The following GGH variants were observed in gnomAD, a reference collection of about 807,000 sequenced individuals.
The protein encoded by GGH is gamma-glutamyl hydrolase, also known as gamma-Glu-X carboxypeptidase.
GGH carries 18 observed loss-of-function variants against 39.2 expected under a neutral mutation model. The observed-to-expected ratio is 0.46, with a 90% confidence interval of 0.32 to 0.68. The LOEUF (loss-of-function observed/expected upper bound fraction) is 0.68. Ranked by LOEUF, GGH falls within the 30% of genes least tolerant of loss-of-function variation. The probability of loss-of-function intolerance (pLI) is 0.04; values close to 1 mark genes in which losing one functional copy is unlikely to be tolerated. For synonymous variants in GGH, 147 were observed against 138.8 expected (o/e 1.06, Z -0.42); for missense variants, 367 against 384.1 (o/e 0.96, Z 0.37).
intron 3 of GGH, chr8:63,028,091 T>C (rs1435904156): frequency 6.6e-6 from 1 of 152,294 alleles, no homozygotes; most frequent in Admixed American, 6.5e-5. Flanking sequence ...CTTGTGTGAT[T>C]GTTGTTATTC....
intron 4 of GGH, among the ~76,000 whole-genome samples, chr8:63,026,596 T>C (rs1162346370): frequency 2.6e-4 from 40 of 152,196 alleles, no homozygotes; most frequent in Non-Finnish European, 5.4e-4. Context: ...AAAACAGTTA[T>C]TTAGGGAAAT....
At chr8:63,029,011 T>A (rs1563669522) in intron 3 of GGH, among the ~76,000 whole-genome samples, 1 of 152,258 alleles carries the variant, frequency 6.6e-6, no homozygotes, top group Non-Finnish European at 1.5e-5. Context: ...TAAATTGAAC[T>A]GATTTTATGG....
chr8:63,016,270 C>A (rs1179313454), intron 8 of GGH, among the ~76,000 whole-genome samples: 1 of 152,156 alleles, frequency 6.6e-6, no homozygotes, highest in Non-Finnish European at 1.5e-5. Context: ...CTCATTCACT[C>A]CACGCACTCA....
intron 1 of GGH, among the ~76,000 whole-genome samples, chr8:63,036,981 A>G (rs1374541904): frequency 6.6e-6 from 1 of 152,168 alleles, no homozygotes; most frequent in African/African-American, 2.4e-5. Flanking sequence ...CAGCCCCAGC[A>G]GAGTATAGCA....
intron 5 of GGH, 54 bp downstream of exon 5, chr8:63,026,100 CTACT>C: frequency 7.4e-7 from 1 of 1,356,282 alleles, no homozygotes; most frequent in Non-Finnish European, 1.0e-6. Flanking sequence ...TTCATATTTG[CTACT>C]TACTAATCCT....
intron 2 of GGH, 129 bp from the exon 3 acceptor site, chr8:63,030,346 T>C (rs991048519): frequency 9.1e-5 from 51 of 562,896 alleles, no homozygotes; most frequent in Non-Finnish European, 5.2e-5. Flanking sequence ...ATTACCTCTC[T>C]ACTTTTCTAG....
At chr8:63,019,966 G>A (rs2129642855) in intron 7 of GGH, among the ~76,000 whole-genome samples, 1 of 152,334 alleles carries the variant, frequency 6.6e-6, no homozygotes, top group Admixed American at 6.5e-5. Flanking sequence ...GTTCTTTAGG[G>A]ATGAACTAAA....
chr8:63,034,009 T>TTA (rs1001950691), intron 2 of GGH, among the ~76,000 whole-genome samples: 70 of 141,606 alleles, frequency 4.9e-4, no homozygotes, highest in South Asian at 1.5e-3. Context: ...ATGTCTCTCC[T>TTA]TATATATATA....
intron 2 of GGH, among the ~76,000 whole-genome samples, chr8:63,035,328 T>C (rs1804884991): frequency 6.6e-6 from 1 of 152,172 alleles, no homozygotes; most frequent in Non-Finnish European, 1.5e-5. Flanking sequence ...TATTTTGAGA[T>C]GGAGTCTCGA....
chr8:63,017,416 G>A (rs1303883798), intron 8 of GGH, 77 bp downstream of exon 8: 2 of 868,518 alleles, frequency 2.3e-6, no homozygotes, highest in Admixed American at 2.2e-5. Flanking sequence ...AGAGCAAAAG[G>A]GTAGGCAAAA....
Position 63,026,262 on chromosome 8 carries a change from C to T in GGH, c.395G>A (p.Gly132Asp), listed in dbSNP as rs752804112. 11 of 1,608,100 alleles carry T rather than the reference C, an allele frequency of 6.8e-6. No individual in the cohort carries two copies. The highest frequency in any genetic ancestry group is 7.7e-6 in the Non-Finnish European group (9 of 1,176,384). Residue 132 changes from glycine to aspartate, a missense_variant, in exon 5 of 9, where the codon GGC (glycine) becomes GAC (aspartate). Gly to Asp is a moderately conservative substitution (Grantham distance 94, BLOSUM62 -1). Coordinates refer to ENST00000260118, the MANE Select transcript of GGH (RefSeq NM_003878.3). Reference sequence around the variant, plus strand: ...AAGCTCTTCAAATCCAAGGCATGTGCCCCACACAGGAAAATAGTCTCCATC... The same window carrying T: ...AAGCTCTTCAAATCCAAGGCATGTGTCCCACACAGGAAAATAGTCTCCATC... ...FDDGDYFPVW[G>D]TCLGFEELSL...
chr8:63,023,954 A>G lies in GGH; in HGVS notation c.650T>C (p.Leu217Ser). Residue 217 changes from leucine (L) to serine (S), a missense_variant, in exon 7 of 9, where the codon TTA becomes TCA. Transcript: ENST00000260118. ...NEKLKKFFNV[L>S]TTNTDGKIEF... ...AATCTTGCCATCTGTATTTGTAGTTAAGACATTGAAAAACTTCTTTAACTT... is the reference window on the plus strand; with the variant it reads ...AATCTTGCCATCTGTATTTGTAGTTGAGACATTGAAAAACTTCTTTAACTT... 6.3e-7 allele frequency: 1 copy of G among 1,595,958 alleles called. No individual in the cohort carries two copies. Among genetic ancestry groups the G allele is most frequent in the Non-Finnish European group, 8.6e-7 (1 of 1,166,728 alleles).
intron 5 of GGH, chr8:63,025,116 C>T (rs7010484): frequency 0.78 from 118,973 of 152,152 alleles, 47,577 homozygotes; most frequent in East Asian, 0.98. Flanking sequence ...AGTGATATCA[C>T]TAAGAATCTA....
chr8:63,016,542 T>C (rs1804490532), intron 8 of GGH, among the ~76,000 whole-genome samples: 1 of 152,368 alleles, frequency 6.6e-6, no homozygotes, highest in Admixed American at 6.5e-5. Context: ...CAAGTTGTTT[T>C]TGTACCTCTG....
At chr8:63,038,636 T>A in intron 1 of GGH, 24 bp downstream of exon 1, 1 of 1,282,808 alleles carries the variant, frequency 7.8e-7, no homozygotes, top group South Asian at 1.5e-5. Flanking sequence ...CCCCGTCTGC[T>A]GCGGCCCCGC....
intron 7 of GGH, among the ~76,000 whole-genome samples, chr8:63,019,677 A>G (rs1288834194): frequency 2.0e-5 from 3 of 152,216 alleles, no homozygotes; most frequent in Admixed American, 6.5e-5. Context: ...TTTGCTTTTT[A>G]TGTGTTTTCA....
intron 2 of GGH, among the ~76,000 whole-genome samples, chr8:63,032,211 A>C (rs1041975690): frequency 3.9e-5 from 6 of 151,964 alleles, no homozygotes; most frequent in Admixed American, 3.9e-4. Context: ...TTTTTTAAAA[A>C]TTTTTTATAG....
chr8:63,018,368 T>TAA lies in GGH; in HGVS notation c.698-740_698-739dup, dbSNP rs148625779. ...AGATGTGCCTTTCCTCATTTTGATT[T>TAA]AAAAAAAACAAATCTCCCCTCTATT... On this transcript the variant is annotated intron_variant, in intron 7 of 8. Coordinates refer to ENST00000260118, the MANE Select transcript of GGH (RefSeq NM_003878.3). Among the ~76,000 whole-genome samples, 5 of 151,996 alleles carry TAA rather than the reference T, an allele frequency of 3.3e-5. No homozygotes were observed. In the East Asian group the frequency reaches 7.7e-4, roughly 24 times the overall value.
In GGH at chr8:63,018,247, A is replaced by G. The variant is rs188687199; in HGVS notation, c.698-617T>C. The stretch of plus-strand genomic sequence containing the variant: ...ACCCAGGGTTCATATTACTCTCTCT[A>G]TGTTTACATACTCATGAACAATTCC... On this transcript the variant is annotated intron_variant, in intron 7 of 8. Transcript: ENST00000260118. Among the ~76,000 whole-genome samples the G allele has an allele frequency of 6.6e-5, 10 of 152,154 alleles. No homozygotes were observed. The East Asian group carries it at 1.9e-3, about 29-fold the overall frequency.
Sources: gnomAD v4.1 joint callset for allele counts (sites outside exome capture counted in the v4.1 genomes callset) on GRCh38, gnomAD v4.1.1 for gene constraint, MANE v1.5 for transcripts, NCBI Gene and HGNC (gene_info 2026-07-23, HGNC 2026-07-21) for gene names.